The following CCSER1 variants were observed in gnomAD, a reference collection of about 807,000 sequenced individuals.
CCSER1 encodes serine-rich coiled-coil domain-containing protein 1.
CCSER1 carries 41 observed loss-of-function variants against 82.0 expected under a neutral mutation model. That is an observed-to-expected ratio of 0.50 (90% CI 0.39 to 0.65). The LOEUF is 0.65. Among genes scored for constraint, CCSER1 ranks in the 30% least tolerant of loss-of-function variants. The probability of loss-of-function intolerance (pLI) is 0.00; values close to 1 mark genes in which losing one functional copy is unlikely to be tolerated. For missense variants in CCSER1, 1,119 were observed against 1,064.2 expected (o/e 1.05, Z -0.72); for synonymous variants, 414 against 383.9 (o/e 1.08, Z -0.92).
At chr4:90,434,691 G>A (rs1266002573) in intron 4 of CCSER1, among the ~76,000 whole-genome samples, 1 of 152,140 alleles carries the variant, frequency 6.6e-6, no homozygotes, top group Non-Finnish European at 1.5e-5. Context: ...GAAGATGGGA[G>A]ATGAGCCTGT....
intron 1 of CCSER1, among the ~76,000 whole-genome samples, chr4:90,292,244 T>G (rs1295343532): frequency 2.0e-5 from 3 of 151,956 alleles, no homozygotes; most frequent in Non-Finnish European, 2.9e-5. Context: ...TTCATATCTA[T>G]GGAATATTGA....
At chr4:90,412,557 G>C (rs1177073738) in intron 4 of CCSER1, among the ~76,000 whole-genome samples, 1 of 148,720 alleles carries the variant, frequency 6.7e-6, no homozygotes, top group Non-Finnish European at 1.5e-5. Flanking sequence ...GATAATCCAT[G>C]ATGATCAAGT....
chr4:91,204,373 C>T (rs970829837), intron 10 of CCSER1, among the ~76,000 whole-genome samples: 1 of 151,728 alleles, frequency 6.6e-6, no homozygotes. Context: ...TTGATTAAGC[C>T]ATGAAAGAAC....
intron 1 of CCSER1, among the ~76,000 whole-genome samples, chr4:90,251,395 A>G (rs557396823): frequency 6.6e-6 from 1 of 151,912 alleles, no homozygotes; most frequent in Non-Finnish European, 1.5e-5. Context: ...CAGGTTGAGG[A>G]GATGTTCTTA....
intron 1 of CCSER1, among the ~76,000 whole-genome samples, chr4:90,141,240 A>G (rs1724735258): frequency 6.6e-6 from 1 of 152,160 alleles, no homozygotes. Context: ...AACTCATTAG[A>G]TGAGACCCAC....
intron 5 of CCSER1, among the ~76,000 whole-genome samples, chr4:90,539,135 T>C (rs1294815900): frequency 1.3e-5 from 2 of 152,114 alleles, no homozygotes; most frequent in Non-Finnish European, 2.9e-5. Flanking sequence ...TATCACAATT[T>C]TGTTTTAAAT....
chr4:90,405,238 A>C (rs1722341208), intron 4 of CCSER1, among the ~76,000 whole-genome samples: 2 of 152,060 alleles, frequency 1.3e-5, no homozygotes, highest in African/African-American at 4.8e-5. Flanking sequence ...CAGCAATAGA[A>C]TCAAACAAGC....
chr4:90,266,673 G>T (rs900162208), intron 1 of CCSER1, among the ~76,000 whole-genome samples: 9 of 152,094 alleles, frequency 5.9e-5, no homozygotes, highest in Admixed American at 5.9e-4. Context: ...GGGAGGGAGA[G>T]TGAGCAATCA....
At chr4:90,564,613 G>C (rs1424373602) in intron 5 of CCSER1, among the ~76,000 whole-genome samples, 1 of 151,440 alleles carries the variant, frequency 6.6e-6, no homozygotes, top group African/African-American at 2.4e-5. Flanking sequence ...CTAATGTCTT[G>C]GAGCTTTCCC....
chr4:91,001,995 CT>C lies in CCSER1; in HGVS notation c.2172+78555del, dbSNP rs570474730. Reference sequence around the variant, plus strand: ...AGCATTTGTCTGAAAAAGATTGTATCTTTTTTTCATTTATGAAGCTTAGTTT... The same window carrying C: ...AGCATTTGTCTGAAAAAGATTGTATCTTTTTTCATTTATGAAGCTTAGTTT... On this transcript the variant is annotated intron_variant, in intron 9 of 10. Coordinates refer to ENST00000509176, the MANE Select transcript of CCSER1 (RefSeq NM_001145065.2). Among the ~76,000 whole-genome samples, 147 of 152,188 alleles carry C rather than the reference CT, an allele frequency of 9.7e-4. 2 individuals are homozygous for C. The highest frequency in any genetic ancestry group is 3.3e-3 in the African/African-American group (138 of 41,530).
chr4:91,229,430 G>C (rs994373196), intron 10 of CCSER1, among the ~76,000 whole-genome samples: 1 of 151,730 alleles, frequency 6.6e-6, no homozygotes, highest in Non-Finnish European at 1.5e-5. Flanking sequence ...AATTATGTTA[G>C]TCTTAAACTT....
intron 10 of CCSER1, among the ~76,000 whole-genome samples, chr4:91,115,462 G>C (rs940668143): frequency 2.0e-5 from 3 of 152,018 alleles, no homozygotes; most frequent in Admixed American, 6.6e-5. Context: ...AAGTGGTTGG[G>C]ACTACAGGTG....
chr4:90,990,582 C>T (rs367571852), intron 9 of CCSER1, among the ~76,000 whole-genome samples: 1 of 151,880 alleles, frequency 6.6e-6, no homozygotes, highest in South Asian at 2.1e-4. Flanking sequence ...GAAAGCAGTT[C>T]TAGGTTGCCA....
At chr4:91,372,639 CA>C (rs1252602129) in intron 10 of CCSER1, among the ~76,000 whole-genome samples, 1 of 151,972 alleles carries the variant, frequency 6.6e-6, no homozygotes, top group African/African-American at 2.4e-5. Flanking sequence ...TAAAAACTTA[CA>C]GAAGTTACCT....
In CCSER1 at chr4:90,261,991, C is replaced by CT. The variant is rs530337870; in HGVS notation, c.-41-46251dup. Among the ~76,000 whole-genome samples, 7 of 151,832 alleles carry CT rather than the reference C, an allele frequency of 4.6e-5. 1 individual carries two copies. In the South Asian group the frequency reaches 1.5e-3, roughly 32 times the overall value. Reference sequence around the variant, plus strand: ...ATCTATCTGTCTGGAAACTTTTTCACTTATATATTGAATTTTTTTTAAATT... The same window carrying CT: ...ATCTATCTGTCTGGAAACTTTTTCACTTTATATATTGAATTTTTTTTAAATT... On this transcript the variant is annotated intron_variant, in intron 1 of 10. Coordinates refer to ENST00000509176, the MANE Select transcript of CCSER1 (RefSeq NM_001145065.2).
chr4:91,420,812 T>C (rs1320835270), intron 10 of CCSER1, among the ~76,000 whole-genome samples: 1 of 152,086 alleles, frequency 6.6e-6, no homozygotes, highest in Non-Finnish European at 1.5e-5. Flanking sequence ...GATGAATGGA[T>C]AGAAAATGTG....
At chr4:90,468,431 A>G in intron 5 of CCSER1, 77 bp downstream of exon 5, 1 of 1,246,682 alleles carries the variant, frequency 8.0e-7, no homozygotes, top group Non-Finnish European at 1.1e-6. Context: ...TTTATAATAA[A>G]TGTGTTAATA....
At chr4:90,803,115 C>T (rs1757040401) in intron 7 of CCSER1, among the ~76,000 whole-genome samples, 1 of 151,900 alleles carries the variant, frequency 6.6e-6, no homozygotes, top group South Asian at 2.1e-4. Context: ...GTTTGAGAAG[C>T]CAAAAATTAT....
intron 1 of CCSER1, among the ~76,000 whole-genome samples, chr4:90,128,487 TTGTGTGCGTGTGTGTGTGTGTGTGTG>T (rs1722212264): frequency 7.4e-6 from 1 of 135,920 alleles, no homozygotes; most frequent in Non-Finnish European, 1.6e-5. Flanking sequence ...GGGCCCCAGG[TTGTGTGCGTGTGTGTGTGTGTGTGTG>T]TGTGCGCGCG....
Sources: gnomAD v4.1 joint callset for allele counts (sites outside exome capture counted in the v4.1 genomes callset) on GRCh38, gnomAD v4.1.1 for gene constraint, MANE v1.5 for transcripts, NCBI Gene and HGNC (gene_info 2026-07-23, HGNC 2026-07-21) for gene names.